Variants in BICC1 observed in about 807,000 individuals in gnomAD.
BICC1 encodes the protein BicC family RNA binding protein 1.
In BICC1, 43 loss-of-function variants were observed where a neutral mutation model predicts 111.0. That is an observed-to-expected ratio of 0.39 (90% CI 0.30 to 0.50). BICC1 has a LOEUF of 0.50. BICC1 is among the 20% of genes least tolerant of loss of function. The pLI is 0.88. For missense variants in BICC1, 1,091 were observed against 1,203.2 expected (o/e 0.91, Z 1.38); for synonymous variants, 467 against 434.4 (o/e 1.07, Z -0.93).
chr10:58,604,782 G>A (rs71508112), intron 1 of BICC1, among the ~76,000 whole-genome samples: 15,072 of 152,212 alleles, frequency 0.099, 836 homozygotes, highest in Middle Eastern at 0.15. Context: ...GGCTGCTATA[G>A]CAGAATACCA....
At chr10:58,740,771 T>C (rs1841635237) in intron 3 of BICC1, among the ~76,000 whole-genome samples, 1 of 152,000 alleles carries the variant, frequency 6.6e-6, no homozygotes, top group African/African-American at 2.4e-5. Context: ...AGAAGTGACA[T>C]TTGAGTTGGC....
At chr10:58,609,998 C>T (rs1438031560) in intron 1 of BICC1, among the ~76,000 whole-genome samples, 2 of 152,186 alleles carry the variant, frequency 1.3e-5, no homozygotes, top group African/African-American at 2.4e-5. Flanking sequence ...ACATGACCAA[C>T]GTTTCTGTTA....
chr10:58,671,893 T>A (rs1839195469), intron 2 of BICC1, among the ~76,000 whole-genome samples: 1 of 152,196 alleles, frequency 6.6e-6, no homozygotes, highest in Non-Finnish European at 1.5e-5. Context: ...TCATCAGCAT[T>A]CAATTCTTTT....
At chr10:58,566,466 A>C (rs1589104376) in intron 1 of BICC1, among the ~76,000 whole-genome samples, 2 of 152,158 alleles carry the variant, frequency 1.3e-5, no homozygotes, top group African/African-American at 2.4e-5. Context: ...ATAAACATGC[A>C]TGTGCAAGTA....
chr10:58,765,902 G>A (rs1842443297), intron 3 of BICC1, among the ~76,000 whole-genome samples: 1 of 152,156 alleles, frequency 6.6e-6, no homozygotes, highest in Admixed American at 6.5e-5. Context: ...TACAGGGAGG[G>A]GTAGATTCGT....
At chr10:58,671,037 T>C (rs1014197990) in intron 2 of BICC1, among the ~76,000 whole-genome samples, 1 of 152,182 alleles carries the variant, frequency 6.6e-6, no homozygotes, top group Non-Finnish European at 1.5e-5. Flanking sequence ...CTTCCCTTTT[T>C]CTTGTCTTTC....
At chr10:58,693,007 C>A (rs1839957865) in intron 2 of BICC1, among the ~76,000 whole-genome samples, 1 of 152,088 alleles carries the variant, frequency 6.6e-6, no homozygotes, top group African/African-American at 2.4e-5. Flanking sequence ...GCTATCCCTC[C>A]CCACTCTGCC....
At chr10:58,602,274 T>C (rs1845064872) in intron 1 of BICC1, among the ~76,000 whole-genome samples, 1 of 152,156 alleles carries the variant, frequency 6.6e-6, no homozygotes, top group Non-Finnish European at 1.5e-5. Context: ...ATTCTGGGAA[T>C]AAGAATAAAG....
intron 1 of BICC1, among the ~76,000 whole-genome samples, chr10:58,591,103 T>C (rs977372023): frequency 6.6e-6 from 1 of 152,146 alleles, no homozygotes; most frequent in African/African-American, 2.4e-5. Flanking sequence ...TTTCTGCACA[T>C]CTGCTTAGCA....
intron 1 of BICC1, among the ~76,000 whole-genome samples, chr10:58,586,677 C>A (rs1380797660): frequency 6.6e-6 from 1 of 151,642 alleles, no homozygotes; most frequent in Non-Finnish European, 1.5e-5. Flanking sequence ...CATATACATA[C>A]CCACACACAC....
intron 3 of BICC1, among the ~76,000 whole-genome samples, chr10:58,751,277 G>A (rs1841984996): frequency 1.3e-5 from 2 of 152,082 alleles, no homozygotes; most frequent in Admixed American, 1.3e-4. Flanking sequence ...TACTACTAAA[G>A]TGATTCTAAT....
rs558574133 is a variant in BICC1, at chr10:58,715,777, A to C, written c.307+13634A>C. 2.1e-6 allele frequency: 3 copies of C among 1,451,128 alleles called. No homozygotes were observed. In the South Asian group the frequency reaches 3.5e-5, roughly 17 times the overall value. The allele number at this position is 1,451,128 out of a possible 1,614,324, so 89.9% of individuals were successfully genotyped here. A position where few individuals can be genotyped will look rare whatever the true frequency, so the allele number is the denominator to read the frequency against. ...GAGAACTGGAAGAAAGAACTGGAAA[A>C]ACACAGGGAGAAATTGTTAACTGCA... On this transcript the variant is annotated intron_variant, in intron 3 of 20. Coordinates refer to ENST00000373886, the MANE Select transcript of BICC1 (RefSeq NM_001080512.3).
At chr10:58,545,161 A>G (rs1211830834) in intron 1 of BICC1, among the ~76,000 whole-genome samples, 1 of 152,178 alleles carries the variant, frequency 6.6e-6, no homozygotes, top group Non-Finnish European at 1.5e-5. Flanking sequence ...AGCAACTAAT[A>G]CAAGGTATTT....
chr10:58,815,496 T>TCTACCTTTATCTCCTTTCC (rs1487749637), intron 18 of BICC1, among the ~76,000 whole-genome samples: 139 of 152,284 alleles, frequency 9.1e-4, no homozygotes, highest in African/African-American at 3.1e-3. Flanking sequence ...CTTCTCTTTT[T>TCTACCTTTATCTCCTTTCC]CTATCTTTAT....
intron 2 of BICC1, among the ~76,000 whole-genome samples, chr10:58,682,199 A>C (rs959246658): frequency 2.3e-4 from 35 of 152,082 alleles, no homozygotes; most frequent in African/African-American, 7.7e-4. Flanking sequence ...ACATGAACTC[A>C]TTCTTTTCTA....
intron 1 of BICC1, among the ~76,000 whole-genome samples, chr10:58,536,366 ACAT>A (rs1842826422): frequency 6.6e-6 from 1 of 151,940 alleles, no homozygotes; most frequent in East Asian, 1.9e-4. Flanking sequence ...AATTGAAATC[ACAT>A]CAACCATATT....
chr10:58,721,235 A>G (rs1338043593), intron 3 of BICC1, among the ~76,000 whole-genome samples: 1 of 152,074 alleles, frequency 6.6e-6, no homozygotes, highest in East Asian at 1.9e-4. Context: ...ACCCCCTTCC[A>G]TGGTTTTTCT....
chr10:58,658,177 C>G (rs142285581), intron 2 of BICC1, among the ~76,000 whole-genome samples: 1 of 152,098 alleles, frequency 6.6e-6, no homozygotes, highest in Non-Finnish European at 1.5e-5. Flanking sequence ...CAAGCCGGAG[C>G]TTTCATTAAC....
chr10:58,590,054 TA>T (rs1179052443), intron 1 of BICC1, among the ~76,000 whole-genome samples: 1 of 152,192 alleles, frequency 6.6e-6, no homozygotes, highest in African/African-American at 2.4e-5. Flanking sequence ...CATATGGGAT[TA>T]ACAATAAGCT....
Sources: gnomAD v4.1 joint callset for allele counts (sites outside exome capture counted in the v4.1 genomes callset) on GRCh38, gnomAD v4.1.1 for gene constraint, MANE v1.5 for transcripts, NCBI Gene and HGNC (gene_info 2026-07-23, HGNC 2026-07-21) for gene names.